ALDH2: variants seen among roughly 807,000 people sequenced by gnomAD.
ALDH2 encodes the protein aldehyde dehydrogenase 2 family member.
A neutral mutation model predicts 59.6 loss-of-function variants in ALDH2; 44 were observed. That is an observed-to-expected ratio of 0.74 (90% CI 0.58 to 0.95). The LOEUF (loss-of-function observed/expected upper bound fraction) is 0.95, where lower values mean the gene tolerates loss of function less well. Among genes scored for constraint, ALDH2 ranks in the 40% least tolerant of loss-of-function variants. The probability of loss-of-function intolerance (pLI) is 0.00; values close to 1 mark genes in which losing one functional copy is unlikely to be tolerated. For synonymous variants in ALDH2, 291 were observed against 284.0 expected (o/e 1.02, Z -0.25); for missense variants, 570 against 696.3 (o/e 0.82, Z 2.04).
intron 8 of ALDH2, 111 bp from the exon 9 acceptor site, chr12:111,792,487 C>A: frequency 8.0e-7 from 1 of 1,256,830 alleles, no homozygotes; most frequent in Non-Finnish European, 1.1e-6. Context: ...TGGCACCCAG[C>A]AGGCATCAAC....
intron 1 of ALDH2, among the ~76,000 whole-genome samples, chr12:111,778,327 C>CA (rs1021487585): frequency 4.7e-4 from 71 of 152,030 alleles, no homozygotes; most frequent in African/African-American, 1.6e-3. Flanking sequence ...AGTGGATCAC[C>CA]TGAGGTCAGG....
chr12:111,805,610 A>G (rs2068487937), intron 12 of ALDH2, among the ~76,000 whole-genome samples: 1 of 152,168 alleles, frequency 6.6e-6, no homozygotes, highest in Non-Finnish European at 1.5e-5. Flanking sequence ...GGCATGAGCT[A>G]CCACACCCAG....
chr12:111,773,270 GT>G (rs1356124939), intron 1 of ALDH2, among the ~76,000 whole-genome samples: 1 of 152,116 alleles, frequency 6.6e-6, no homozygotes, highest in Non-Finnish European at 1.5e-5. Context: ...GCCGGCCCGT[GT>G]TTTTAATCAG....
chr12:111,796,431 G>A (rs2068404632), intron 9 of ALDH2, among the ~76,000 whole-genome samples: 1 of 152,048 alleles, frequency 6.6e-6, no homozygotes, highest in African/African-American at 2.4e-5. Context: ...GAGCCCAGGA[G>A]GTCAAGGCTG....
chr12:111,788,185 G>A (rs934483115), intron 4 of ALDH2, among the ~76,000 whole-genome samples: 3 of 152,188 alleles, frequency 2.0e-5, no homozygotes, highest in African/African-American at 7.2e-5. Flanking sequence ...ACTCCAGCCT[G>A]GGAGACAAGA....
intron 4 of ALDH2, among the ~76,000 whole-genome samples, chr12:111,788,384 G>A (rs1025591078): frequency 6.6e-6 from 1 of 152,178 alleles, no homozygotes; most frequent in Non-Finnish European, 1.5e-5. Context: ...CAGAGATGCT[G>A]CTCAACATCG....
chr12:111,784,683 CG>C (rs1374828792), intron 3 of ALDH2, among the ~76,000 whole-genome samples: 5 of 152,114 alleles, frequency 3.3e-5, no homozygotes, highest in African/African-American at 1.2e-4. Flanking sequence ...GGCACAATCT[CG>C]GCTCACTGCA....
chr12:111,800,141 C>T, intron 11 of ALDH2, 78 bp downstream of exon 11: 1 of 1,471,248 alleles, frequency 6.8e-7, no homozygotes, highest in Admixed American at 2.4e-5. Context: ...TGGTGGTCAC[C>T]ATCCTGGAAT....
intron 1 of ALDH2, among the ~76,000 whole-genome samples, chr12:111,778,002 G>A (rs755412428): frequency 2.6e-5 from 4 of 152,130 alleles, no homozygotes; most frequent in Non-Finnish European, 5.9e-5. Context: ...GAGATTATGC[G>A]GAACAAATTT....
intron 1 of ALDH2, among the ~76,000 whole-genome samples, chr12:111,776,332 G>A (rs532505949): frequency 5.9e-4 from 90 of 152,264 alleles, no homozygotes; most frequent in Non-Finnish European, 1.2e-3. Context: ...GACCCCCTGC[G>A]GGCAAGGTCC....
intron 1 of ALDH2, among the ~76,000 whole-genome samples, chr12:111,778,841 A>G (rs972847590): frequency 2.6e-5 from 4 of 151,456 alleles, no homozygotes; most frequent in African/African-American, 9.7e-5. Context: ...TCAGGAAAAA[A>G]AAAAAAGCCC....
intron 1 of ALDH2, among the ~76,000 whole-genome samples, chr12:111,768,692 A>G (rs2068176521): frequency 6.6e-6 from 1 of 151,490 alleles, no homozygotes; most frequent in African/African-American, 2.4e-5. Context: ...CTAAAAAAGT[A>G]AATTAGTTAG....
At chr12:111,767,174 C>G in intron 1 of ALDH2, 78 bp downstream of exon 1, 2 of 1,210,768 alleles carry the variant, frequency 1.7e-6, no homozygotes, top group Admixed American at 3.2e-5. Context: ...CCCGCGCCGC[C>G]GTGGGCCTTA....
At chr12:111,768,727 C>G (rs111281658) in intron 1 of ALDH2, among the ~76,000 whole-genome samples, 11 of 152,126 alleles carry the variant, frequency 7.2e-5, no homozygotes, top group African/African-American at 2.7e-4. Flanking sequence ...GCCTGTAGTC[C>G]CAGCTATATG....
rs776421832 is a variant in ALDH2, at chr12:111,792,125, G to T, written c.860G>T (p.Gly287Val). 13 of 1,607,892 alleles carry T rather than the reference G, an allele frequency of 8.1e-6. No individual in the cohort carries two copies. In the Admixed American group the frequency reaches 1.2e-4, roughly 15 times the overall value. Residue 287 changes from glycine to valine, a missense_variant, in exon 8 of 13, where the codon GGG becomes GTG. Transcript: ENST00000261733. ...SNLKRVTLEL[G>V]GKSPNIIMSD... ...CTCAAGAGAGTGACCTTGGAGCTGG[G>T]GGGGAAGAGCCCCAACATCATCATG... is the stretch of plus-strand genomic sequence containing the variant.
intron 1 of ALDH2, among the ~76,000 whole-genome samples, chr12:111,780,160 T>G (rs1351739193): frequency 6.6e-6 from 1 of 152,186 alleles, no homozygotes; most frequent in Admixed American, 6.5e-5. Flanking sequence ...CCCAAAGTGC[T>G]GGGATTACAG....
chr12:111,798,169 C>T lies in ALDH2; in HGVS notation c.1175C>T (p.Ala392Val), dbSNP rs200738174. 6 of 1,611,036 alleles carry T rather than the reference C, an allele frequency of 3.7e-6. No homozygotes were observed. Among genetic ancestry groups the T allele is most frequent in the Non-Finnish European group, 5.1e-6 (6 of 1,178,474 alleles). The part of the protein sequence containing the change: ...AKLLCGGGIA[A>V]DRGYFIQPTV... ...CTGCTGTGTGGTGGGGGCATTGCTG[C>T]TGACCGTGGTTACTTCATCCAGCCC... The change falls in exon 10 of 13, where the codon GCT becomes GTT. Residue 392 changes from alanine (A) to valine (V), a missense_variant. Physicochemically the swap from Ala to Val is moderately conservative, Grantham distance 64. Transcript: ENST00000261733.
intron 12 of ALDH2, among the ~76,000 whole-genome samples, chr12:111,806,577 C>T (rs1024353633): frequency 6.6e-6 from 1 of 152,128 alleles, no homozygotes; most frequent in South Asian, 2.1e-4. Flanking sequence ...CTGGAGAGGC[C>T]GAGGACACAA....
At chr12:111,773,897 G>A (rs2068218453) in intron 1 of ALDH2, among the ~76,000 whole-genome samples, 1 of 152,140 alleles carries the variant, frequency 6.6e-6, no homozygotes, top group African/African-American at 2.4e-5. Flanking sequence ...TTACAGTTTT[G>A]TGCTCCAGAA....
Sources: gnomAD v4.1 joint callset for allele counts (sites outside exome capture counted in the v4.1 genomes callset) on GRCh38, gnomAD v4.1.1 for gene constraint, MANE v1.5 for transcripts, NCBI Gene and HGNC (gene_info 2026-07-23, HGNC 2026-07-21) for gene names.